MLLT10: variants seen among roughly 807,000 people sequenced by gnomAD.
The protein encoded by MLLT10 is MLLT10 histone lysine methyltransferase DOT1L cofactor.
Under a neutral mutation model 129.1 loss-of-function variants are expected in MLLT10, and 30 were observed. That is an observed-to-expected ratio of 0.23 (90% CI 0.17 to 0.32). MLLT10 has a LOEUF of 0.32. MLLT10 is among the 10% of genes least tolerant of loss of function. MLLT10 has a pLI of 1.00. For synonymous variants in MLLT10, 490 were observed against 446.4 expected (o/e 1.10, Z -1.23); for missense variants, 1,119 against 1,268.3 (o/e 0.88, Z 1.79).
In MLLT10 at chr10:21,534,484, C is replaced by A. The variant is rs1470919452; in HGVS notation, c.-37C>A. 5 of 676,872 alleles carry A rather than the reference C, an allele frequency of 7.4e-6. No individual in the cohort carries two copies. The highest frequency in any genetic ancestry group is 1.2e-5 in the Non-Finnish European group (5 of 417,734). The allele number at this position is 676,872 out of a possible 1,614,324, so 41.9% of individuals were successfully genotyped here. ...TCAGCAAGGACATGGCTCCTGACTC[C>A]TGTGCGGAACGTGAGTGACTGAGCG... On this transcript the variant is annotated 5_prime_UTR_variant, in exon 1 of 23. In the 5' UTR this introduces an upstream ATG that the reference lacks. Coordinates refer to ENST00000307729, the MANE Select transcript of MLLT10 (RefSeq NM_001195626.3).
chr10:21,600,402 C>G (rs1329860259), intron 5 of MLLT10, among the ~76,000 whole-genome samples: 1 of 150,866 alleles, frequency 6.6e-6, no homozygotes, highest in African/African-American at 2.5e-5. Context: ...CACACACACA[C>G]AGTTAATTGA....
chr10:21,674,480 A>G (rs1318282661), intron 11 of MLLT10, among the ~76,000 whole-genome samples: 1 of 152,160 alleles, frequency 6.6e-6, no homozygotes, highest in East Asian at 1.9e-4. Context: ...AAATGATTTA[A>G]TTGTGTTTTC....
intron 3 of MLLT10, among the ~76,000 whole-genome samples, chr10:21,578,811 G>A (rs866982073): frequency 5.9e-5 from 9 of 152,204 alleles, no homozygotes; most frequent in Admixed American, 6.5e-5. Context: ...TCTGTTTGTT[G>A]TCAGTTATGC....
chr10:21,652,307 T>C (rs1361616250), intron 9 of MLLT10, among the ~76,000 whole-genome samples: 3 of 152,170 alleles, frequency 2.0e-5, no homozygotes, highest in African/African-American at 7.2e-5. Flanking sequence ...GGAACCATCA[T>C]TGAGACAGAG....
intron 10 of MLLT10, among the ~76,000 whole-genome samples, chr10:21,672,648 T>G (rs1477441873): frequency 6.6e-6 from 1 of 152,184 alleles, no homozygotes; most frequent in Non-Finnish European, 1.5e-5. Flanking sequence ...GTACTCATGT[T>G]CTTTAAAGAA....
At chr10:21,617,373 A>G (rs2131212976) in intron 8 of MLLT10, among the ~76,000 whole-genome samples, 166 bp downstream of exon 8, 2 of 152,236 alleles carry the variant, frequency 1.3e-5, no homozygotes, top group Non-Finnish European at 2.9e-5. Context: ...TTAATGCCAT[A>G]TTTGTGAATA....
At position 21,713,629 on chromosome 10, in the gene MLLT10, C is replaced by T. The variant is rs2056304446; in HGVS notation, c.1700-143C>T. 5 of 652,660 alleles carry T rather than the reference C, an allele frequency of 7.7e-6. No individual in the cohort carries two copies. The East Asian group carries it at 1.5e-4, about 20-fold the overall frequency. 40.4% of individuals were successfully genotyped at this position (652,660 alleles called of 1,614,324 possible). Reference sequence around the variant, plus strand: ...AAGTCAGTGTTTATTTGTTTAGTTACTAGCACAATATTTTTTAAACAGCAA... The same window carrying T: ...AAGTCAGTGTTTATTTGTTTAGTTATTAGCACAATATTTTTTAAACAGCAA... On this transcript the variant is annotated intron_variant, in intron 13 of 22. Coordinates refer to ENST00000307729, the MANE Select transcript of MLLT10 (RefSeq NM_001195626.3).
At chr10:21,730,697 T>C (rs772685018) in intron 16 of MLLT10, among the ~76,000 whole-genome samples, 2 of 152,194 alleles carry the variant, frequency 1.3e-5, no homozygotes, top group Non-Finnish European at 2.9e-5. Flanking sequence ...TTTCCTTGAT[T>C]CTATAATATT....
At chr10:21,717,730 C>CTT (rs1589800801) in intron 14 of MLLT10, among the ~76,000 whole-genome samples, 1 of 130,522 alleles carries the variant, frequency 7.7e-6, no homozygotes, top group East Asian at 2.3e-4. Context: ...TCCTCCTCCT[C>CTT]CTCCTCTTCC....
At chr10:21,628,308 A>G (rs1441450472) in intron 8 of MLLT10, among the ~76,000 whole-genome samples, 6 of 152,116 alleles carry the variant, frequency 3.9e-5, no homozygotes, top group East Asian at 1.9e-4. Context: ...TGCAATAAAC[A>G]TTTATAGTCT....
intron 3 of MLLT10, among the ~76,000 whole-genome samples, chr10:21,548,752 T>C (rs2036503591): frequency 6.6e-6 from 1 of 152,210 alleles, no homozygotes; most frequent in South Asian, 2.1e-4. Context: ...TGAATTAATT[T>C]TTTTCTGAGT....
intron 5 of MLLT10, among the ~76,000 whole-genome samples, chr10:21,596,257 A>C (rs1294444215): frequency 6.6e-6 from 1 of 152,160 alleles, no homozygotes; most frequent in African/African-American, 2.4e-5. Context: ...GCTTACAAAA[A>C]AGTTGAATCG....
chr10:21,732,763 C>CT (rs1169232597), intron 17 of MLLT10, 136 bp from the exon 18 acceptor site: 3 of 707,306 alleles, frequency 4.2e-6, no homozygotes, highest in Middle Eastern at 4.4e-4. Flanking sequence ...AGGAACAAAA[C>CT]TTTATCATTT....
intron 13 of MLLT10, among the ~76,000 whole-genome samples, chr10:21,699,041 A>C (rs1564670276): frequency 1.3e-5 from 2 of 151,948 alleles, no homozygotes; most frequent in South Asian, 4.2e-4. Context: ...TGCCCAGCTA[A>C]TTTTTGTACT....
intron 3 of MLLT10, among the ~76,000 whole-genome samples, chr10:21,559,984 C>A (rs899023573): frequency 1.3e-5 from 2 of 151,832 alleles, no homozygotes; most frequent in Non-Finnish European, 2.9e-5. Context: ...AATGAAGTTG[C>A]TGGATCACAT....
chr10:21,534,120 GA>G, upstream of MLLT10: 1 of 310,882 alleles, frequency 3.2e-6, no homozygotes, highest in Non-Finnish European at 5.9e-6. Flanking sequence ...CGGCGCGGGG[GA>G]GGGGGACGGG....
intron 3 of MLLT10, among the ~76,000 whole-genome samples, chr10:21,546,435 C>CA (rs752904627): frequency 2.3e-4 from 31 of 137,530 alleles, no homozygotes; most frequent in Non-Finnish European, 2.7e-4. Flanking sequence ...GATGGAGTCT[C>CA]ACTCTGTGGC....
At chr10:21,552,336 G>GT (rs149483074) in intron 3 of MLLT10, among the ~76,000 whole-genome samples, 3 of 127,714 alleles carry the variant, frequency 2.3e-5, no homozygotes, top group East Asian at 2.4e-4. Flanking sequence ...CTTTCCTTGT[G>GT]TTTTTTTTCT....
At chr10:21,711,236 G>A (rs753961217) in intron 13 of MLLT10, among the ~76,000 whole-genome samples, 2 of 152,016 alleles carry the variant, frequency 1.3e-5, no homozygotes, top group African/African-American at 4.8e-5. Flanking sequence ...CAGCCTGGCC[G>A]ACATGGTGAA....
Sources: allele counts gnomAD v4.1 joint callset (sites outside exome capture counted in the v4.1 genomes callset), GRCh38; gene constraint gnomAD v4.1.1; transcripts MANE v1.5; gene names NCBI Gene and HGNC (gene_info 2026-07-23, HGNC 2026-07-21).